Variants in RBL2 observed in about 807,000 individuals in gnomAD.
The protein encoded by RBL2 is retinoblastoma-like protein 2.
A neutral mutation model predicts 126.0 loss-of-function variants in RBL2; 56 were observed. That is an observed-to-expected ratio of 0.44 (90% CI 0.36 to 0.56). The LOEUF (loss-of-function observed/expected upper bound fraction) is 0.56, where lower values mean the gene tolerates loss of function less well. Ranked by LOEUF, RBL2 falls within the 20% of genes least tolerant of loss-of-function variation. RBL2 has a pLI of 0.00. For synonymous variants in RBL2, 454 were observed against 478.5 expected (o/e 0.95, Z 0.67); for missense variants, 1,229 against 1,398.2 (o/e 0.88, Z 1.93).
At chr16:53,477,787 TTA>T (rs567193491) in intron 17 of RBL2, among the ~76,000 whole-genome samples, 6 of 151,676 alleles carry the variant, frequency 4.0e-5, no homozygotes, top group Non-Finnish European at 7.4e-5. Context: ...TATGGGTACA[TTA>T]TATATATATA....
chr16:53,473,832 G>A (rs996015488), intron 17 of RBL2, among the ~76,000 whole-genome samples: 2 of 151,756 alleles, frequency 1.3e-5, no homozygotes, highest in Non-Finnish European at 2.9e-5. Context: ...TTAGTTCATT[G>A]AGTGTTTTTT....
At chr16:53,480,501 T>G (rs934577470) in intron 19 of RBL2, 66 bp from the exon 20 acceptor site, 2 of 1,403,642 alleles carry the variant, frequency 1.4e-6, no homozygotes, top group Non-Finnish European at 2.0e-6. Context: ...TCTCCTACTT[T>G]TAAAAAATTA....
At position 53,434,508 on chromosome 16, in the gene RBL2, G is replaced by C. The variant is rs1011464755; in HGVS notation, c.-49G>C. 7.4e-7 allele frequency: 1 copy of C among 1,349,372 alleles called. No individual in the cohort carries two copies. The highest frequency in any genetic ancestry group is 3.0e-5 in the East Asian group (1 of 33,222). 83.6% of individuals were successfully genotyped at this position (1,349,372 alleles called of 1,614,324 possible). A position where few individuals can be genotyped will look rare whatever the true frequency, so the allele number is the denominator to read the frequency against. On this transcript the variant is annotated 5_prime_UTR_variant, in exon 1 of 22. Coordinates refer to ENST00000262133, the MANE Select transcript of RBL2 (RefSeq NM_005611.4). Reference sequence around the variant, plus strand: ...GGCGCTTCGCCGTTTGAATGGCTGCGGGCCCGGGCCCTCACCTCACCTGAG... The same window carrying C: ...GGCGCTTCGCCGTTTGAATGGCTGCCGGCCCGGGCCCTCACCTCACCTGAG...
At chr16:53,469,112 C>A (rs1178207310) in intron 14 of RBL2, among the ~76,000 whole-genome samples, 1 of 152,146 alleles carries the variant, frequency 6.6e-6, no homozygotes, top group African/African-American at 2.4e-5. Flanking sequence ...TGCCTCTAAT[C>A]CCAGTTACTT....
At position 53,467,033 on chromosome 16, in the gene RBL2, A is replaced by G. The variant is rs554106183; in HGVS notation, c.1864-25A>G. The G allele has an allele frequency of 7.0e-6, 11 of 1,563,228 alleles. No individual in the cohort carries two copies. The Admixed American group carries it at 1.6e-4, about 22-fold the overall frequency. ...TTAAAGTGCTTTTTTGGATACTGGC[A>G]TTCTGTGTAACCAATTCTTCATAGG... On this transcript the variant is annotated intron_variant, in intron 13 of 21. Transcript: ENST00000262133.
At chr16:53,483,114 C>T (rs1026617806) in intron 21 of RBL2, among the ~76,000 whole-genome samples, 3 of 152,012 alleles carry the variant, frequency 2.0e-5, no homozygotes, top group African/African-American at 7.3e-5. Flanking sequence ...GGTAAAGTGT[C>T]CCAGTGTCTG....
intron 18 of RBL2, 49 bp downstream of exon 18, chr16:53,479,274 A>T: frequency 1.3e-6 from 2 of 1,521,992 alleles, no homozygotes; most frequent in Non-Finnish European, 1.8e-6. Flanking sequence ...AAAGTCTGTG[A>T]TGAATACAAA....
At chr16:53,485,747 T>G (rs1961140480) in intron 21 of RBL2, among the ~76,000 whole-genome samples, 7 of 151,932 alleles carry the variant, frequency 4.6e-5, no homozygotes, top group Admixed American at 3.3e-4. Flanking sequence ...TTCCAGCTAC[T>G]CCGGAGGATA....
chr16:53,475,649 A>G (rs1960698936), intron 17 of RBL2, among the ~76,000 whole-genome samples: 1 of 151,832 alleles, frequency 6.6e-6, no homozygotes, highest in Non-Finnish European at 1.5e-5. Context: ...ATTCATTAGT[A>G]TATAATCTTA....
chr16:53,434,818 C>T (rs923398482), intron 1 of RBL2, 22 bp downstream of exon 1: 2 of 1,480,562 alleles, frequency 1.4e-6, no homozygotes, highest in Admixed American at 2.1e-5. Context: ...GGCGGAGGGG[C>T]GCTTCCGGCC....
At chr16:53,479,813 T>C in intron 18 of RBL2, 73 bp from the exon 19 acceptor site, 1 of 967,390 alleles carries the variant, frequency 1.0e-6, no homozygotes, top group Non-Finnish European at 1.6e-6. Context: ...AAGTAACATA[T>C]GTGAAGGTCC....
rs1445601410 is a variant in RBL2 at position 53,434,510 on chromosome 16, G to GCCCGGGCCCTCA, written c.-44_-33dup. On this transcript the variant is annotated 5_prime_UTR_variant, in exon 1 of 22. Coordinates refer to ENST00000262133, the MANE Select transcript of RBL2 (RefSeq NM_005611.4). ...CGCTTCGCCGTTTGAATGGCTGCGG[G>GCCCGGGCCCTCA]CCCGGGCCCTCACCTCACCTGAGGT... 10 of 1,363,676 alleles carry GCCCGGGCCCTCA rather than the reference G, an allele frequency of 7.3e-6. No individual in the cohort carries two copies. The highest frequency in any genetic ancestry group is 9.4e-6 in the Non-Finnish European group (10 of 1,063,596). The allele number at this position is 1,363,676 out of a possible 1,614,324, so 84.5% of individuals were successfully genotyped here.
At chr16:53,481,424 C>T (rs1316507691) in intron 20 of RBL2, 2 of 386,812 alleles carry the variant, frequency 5.2e-6, no homozygotes, top group Non-Finnish European at 9.2e-6. Flanking sequence ...TAGTTCCTAG[C>T]ATATGGGGTT....
chr16:53,468,890 T>G (rs1331414308), intron 14 of RBL2, among the ~76,000 whole-genome samples: 1 of 152,214 alleles, frequency 6.6e-6, no homozygotes, highest in East Asian at 1.9e-4. Flanking sequence ...ATGGGTTGTG[T>G]ACCACTGAAT....
intron 2 of RBL2, among the ~76,000 whole-genome samples, chr16:53,441,408 A>G (rs376236487): frequency 1.3e-5 from 2 of 152,206 alleles, no homozygotes; most frequent in African/African-American, 4.8e-5. Flanking sequence ...TCCTGCACAC[A>G]TGTATAAGGA....
chr16:53,435,061 T>C (rs1455299989), intron 1 of RBL2, among the ~76,000 whole-genome samples: 1 of 152,084 alleles, frequency 6.6e-6, no homozygotes. Context: ...TGGGGTCCCG[T>C]TGAGGAAAAT....
At chr16:53,452,414 TTGC>T (rs748480020) in intron 5 of RBL2, among the ~76,000 whole-genome samples, 8 of 152,312 alleles carry the variant, frequency 5.3e-5, no homozygotes, top group Admixed American at 1.3e-4. Context: ...AAAATAAATA[TTGC>T]TGCTGCTATT....
intron 4 of RBL2, chr16:53,448,606 C>T (rs984280017): frequency 6.6e-6 from 1 of 152,342 alleles, no homozygotes; most frequent in African/African-American, 2.4e-5. Context: ...GGCTCAGCCT[C>T]TTGAGTAGCT....
intron 20 of RBL2, chr16:53,481,030 A>ATGC: frequency 3.2e-6 from 1 of 308,400 alleles, no homozygotes. Flanking sequence ...GTGGTGGCAC[A>ATGC]CACTTGTAAT....
Sources: allele counts gnomAD v4.1 joint callset (sites outside exome capture counted in the v4.1 genomes callset), GRCh38; gene constraint gnomAD v4.1.1; transcripts MANE v1.5; gene names NCBI Gene and HGNC (gene_info 2026-07-23, HGNC 2026-07-21).